The following GEMIN5 variants were observed in gnomAD, a reference collection of about 807,000 sequenced individuals.
The protein encoded by GEMIN5 is gem-associated protein 5.
A neutral mutation model predicts 176.9 loss-of-function variants in GEMIN5; 124 were observed. That is an observed-to-expected ratio of 0.70 (90% confidence interval 0.61 to 0.81). The LOEUF (loss-of-function observed/expected upper bound fraction) is 0.81. Ranked by LOEUF, GEMIN5 falls within the 40% of genes least tolerant of loss-of-function variation. GEMIN5 has a pLI of 0.00. For synonymous variants in GEMIN5, 673 were observed against 665.2 expected (o/e 1.01, Z -0.18); for missense variants, 1,843 against 1,814.6 (o/e 1.02, Z -0.28).
At chr5:154,906,446 G>A (rs1299043226) in intron 16 of GEMIN5, among the ~76,000 whole-genome samples, 1 of 152,120 alleles carries the variant, frequency 6.6e-6, no homozygotes, top group East Asian at 1.9e-4. Flanking sequence ...ACACTAACAG[G>A]AGTAACTTTA....
chr5:154,889,635 A>C (rs970484978), intron 26 of GEMIN5, among the ~76,000 whole-genome samples: 2 of 152,212 alleles, frequency 1.3e-5, no homozygotes, highest in African/African-American at 2.4e-5. Context: ...TAAAACTGAA[A>C]TCTTATACCC....
At chr5:154,928,764 G>C in intron 5 of GEMIN5, 105 bp from the exon 6 acceptor site, 1 of 937,360 alleles carries the variant, frequency 1.1e-6, no homozygotes, top group Non-Finnish European at 1.7e-6. Flanking sequence ...AAGCTTGTTA[G>C]TTTGGCTACT....
intron 16 of GEMIN5, among the ~76,000 whole-genome samples, chr5:154,907,078 C>T (rs4958769): frequency 0.96 from 146,161 of 152,304 alleles, 70,192 homozygotes; most frequent in South Asian, 0.99. Context: ...GCCATCACTA[C>T]AGCTTAACTC....
intron 2 of GEMIN5, 134 bp from the exon 3 acceptor site, chr5:154,936,156 C>G (rs1764264880): frequency 1.7e-6 from 1 of 595,730 alleles, no homozygotes. Flanking sequence ...GTGGCTCACG[C>G]CTGTAATCCC....
intron 15 of GEMIN5, 120 bp downstream of exon 15, chr5:154,911,607 C>T: frequency 2.5e-6 from 2 of 793,700 alleles, no homozygotes; most frequent in Admixed American, 2.7e-5. Flanking sequence ...TGCTTAGGCT[C>T]AGACCCCTGC....
intron 3 of GEMIN5, 134 bp from the exon 4 acceptor site, chr5:154,932,384 A>T: frequency 1.6e-6 from 1 of 633,366 alleles, no homozygotes; most frequent in South Asian, 2.0e-5. Context: ...AGGAGGGAAG[A>T]GGACAAAAAA....
chr5:154,932,351 G>A, intron 3 of GEMIN5, 101 bp from the exon 4 acceptor site: 2 of 812,714 alleles, frequency 2.5e-6, no homozygotes, highest in Middle Eastern at 3.4e-4. Context: ...ATTCCTTAAA[G>A]TTAGGTGCAT....
intron 5 of GEMIN5, among the ~76,000 whole-genome samples, chr5:154,930,799 C>T (rs1764146125): frequency 6.6e-6 from 1 of 151,338 alleles, no homozygotes; most frequent in Non-Finnish European, 1.5e-5. Flanking sequence ...ATAAAGATGG[C>T]AAATGTTATA....
At chr5:154,935,431 C>CA (rs1255567442) in intron 3 of GEMIN5, among the ~76,000 whole-genome samples, 1 of 152,166 alleles carries the variant, frequency 6.6e-6, no homozygotes, top group Non-Finnish European at 1.5e-5. Context: ...CCTTGGTGAT[C>CA]AACAAGGAAA....
chr5:154,932,032 A>G (rs764260457), intron 4 of GEMIN5, 67 bp downstream of exon 4: 18 of 1,127,268 alleles, frequency 1.6e-5, no homozygotes, highest in Admixed American at 2.4e-5. Context: ...ATAAAAAATG[A>G]TATAATTGTA....
chr5:154,897,753 T>C (rs1231576366), intron 23 of GEMIN5, among the ~76,000 whole-genome samples: 2 of 152,084 alleles, frequency 1.3e-5, no homozygotes, highest in African/African-American at 2.4e-5. Context: ...CAGTTTTTTT[T>C]CCATAGCTTA....
intron 8 of GEMIN5, among the ~76,000 whole-genome samples, chr5:154,925,390 T>C (rs1181405436): frequency 6.6e-6 from 1 of 152,204 alleles, no homozygotes; most frequent in Non-Finnish European, 1.5e-5. Context: ...ATTTATTACC[T>C]TTAGATTCAA....
At chr5:154,932,718 A>G (rs1764193697) in intron 3 of GEMIN5, among the ~76,000 whole-genome samples, 5 of 152,160 alleles carry the variant, frequency 3.3e-5, no homozygotes, top group Admixed American at 3.3e-4. Flanking sequence ...GGTACATGCC[A>G]TGCCCAGCTA....
chr5:154,913,041 A>G lies in GEMIN5; in HGVS notation c.1856-3T>C, dbSNP rs371763112. On this transcript the variant is annotated splice_polypyrimidine_tract_variant and splice_region_variant and intron_variant, in intron 13 of 27. Transcript: ENST00000285873. ...CACTGGAGACTCAGGGCTGCTCTCT[A>G]AAAGGCAAAGGAAAGACATCACTGC... 2.0e-5 allele frequency: 32 copies of G among 1,604,882 alleles called. No homozygotes were observed. The African/African-American group carries it at 4.0e-4, about 20-fold the overall frequency.
In GEMIN5 at chr5:154,901,608, C is replaced by CA. The variant is rs1763466836; in HGVS notation, c.2867-123dup. On this transcript the variant is annotated intron_variant, in intron 20 of 27. Transcript: ENST00000285873. The stretch of plus-strand genomic sequence containing the variant: ...TGCATTCAGCAGAACATTTAGATAC[C>CA]AATTCAGCTGCCATTATGGATCATC... 4.1e-6 allele frequency: 3 copies of CA among 736,928 alleles called. No homozygotes were observed. In the Admixed American group the frequency reaches 7.7e-5, roughly 19 times the overall value. The allele number at this position is 736,928 out of a possible 1,614,324, so 45.6% of individuals were successfully genotyped here. A position where few individuals can be genotyped will look rare whatever the true frequency, so the allele number is the denominator to read the frequency against.
rs1469240453 is a variant in GEMIN5, at chr5:154,905,485, T to TG, written c.2396-10dup. 1 of 1,391,140 alleles carries TG rather than the reference T, an allele frequency of 7.2e-7. No individual in the cohort carries two copies. Among genetic ancestry groups the TG allele is most frequent in the Admixed American group, 2.1e-5 (1 of 48,598 alleles). 86.2% of individuals were successfully genotyped at this position (1,391,140 alleles called of 1,614,324 possible). On this transcript the variant is annotated splice_polypyrimidine_tract_variant and intron_variant, in intron 16 of 27. Transcript: ENST00000285873. ...AACTGGTTCTCTAGAAACTACATCA[T>TG]GGGGGAAAAAGGAAAAAAAAAGTTA...
intron 8 of GEMIN5, among the ~76,000 whole-genome samples, chr5:154,924,874 A>C (rs1385261774): frequency 6.6e-6 from 1 of 152,026 alleles, no homozygotes; most frequent in Non-Finnish European, 1.5e-5. Context: ...CTGTAGTCCC[A>C]GCTACTCGGG....
Position 154,901,412 on chromosome 5 carries a change from C to T in GEMIN5, c.2941G>A (p.Ala981Thr). ...QLCFQDQYVK[A>T]ASHLLSIHKV... ...TGGATGGAAAGTAGGTGAGAAGCAGCCTTGACATACTGATCCTGAAAACAC... is the reference window on the plus strand; with the variant it reads ...TGGATGGAAAGTAGGTGAGAAGCAGTCTTGACATACTGATCCTGAAAACAC... Residue 981 changes from alanine (A) to threonine (T), a missense_variant, in exon 21 of 28, where the codon GCT (alanine) becomes ACT (threonine). By Grantham distance (58) the Ala-to-Thr change is moderately conservative. Coordinates refer to ENST00000285873, the MANE Select transcript of GEMIN5 (RefSeq NM_015465.5). 1 of 1,613,966 alleles carries T rather than the reference C, an allele frequency of 6.2e-7. No homozygotes were observed. Among genetic ancestry groups the T allele is most frequent in the Non-Finnish European group, 8.5e-7 (1 of 1,179,866 alleles).
chr5:154,891,699 A>AG lies in GEMIN5; in HGVS notation c.3803dup (p.Ala1269CysfsTer19). ...CCAAACTTTTGAAAGCTGGTGTGGCAGGGGATTGATGGTCCCCCAACTTGT... is the reference window on the plus strand; with the variant it reads ...CCAAACTTTTGAAAGCTGGTGTGGCAGGGGGATTGATGGTCCCCCAACTTGT... On this transcript the variant is annotated frameshift_variant, in exon 26 of 28. Coordinates refer to ENST00000285873, the MANE Select transcript of GEMIN5 (RefSeq NM_015465.5). LOFTEE classifies it high-confidence loss of function. The AG allele has an allele frequency of 6.2e-7, 1 of 1,609,942 alleles. No homozygotes were observed. The highest frequency in any genetic ancestry group is 1.1e-5 in the South Asian group (1 of 90,338).
Sources: gnomAD v4.1 joint callset for allele counts (sites outside exome capture counted in the v4.1 genomes callset) on GRCh38, gnomAD v4.1.1 for gene constraint, MANE v1.5 for transcripts, NCBI Gene and HGNC (gene_info 2026-07-23, HGNC 2026-07-21) for gene names.